SEMA5A: variants seen among roughly 807,000 people sequenced by gnomAD.
SEMA5A encodes semaphorin-5A.
A neutral mutation model predicts 135.5 loss-of-function variants in SEMA5A; 55 were observed. That is an observed-to-expected ratio of 0.41 (90% CI 0.33 to 0.51). The LOEUF is 0.51. Among genes scored for constraint, SEMA5A ranks in the 20% least tolerant of loss-of-function variants. SEMA5A has a pLI of 0.37. For synonymous variants in SEMA5A, 580 were observed against 546.5 expected, an observed-to-expected ratio of 1.06 and a Z score of -0.85; for missense variants, 1,290 against 1,419.9, an observed-to-expected ratio of 0.91 and a Z score of 1.47.
rs374180970 is a variant in SEMA5A, at chr5:9,134,592, G to A, written c.1599+1912C>T. Among the ~76,000 whole-genome samples, 128 of 152,312 alleles carry A rather than the reference G, an allele frequency of 8.4e-4. 2 individuals are homozygous for A. In the South Asian group the frequency reaches 0.023, roughly 27 times the overall value. On this transcript the variant is annotated intron_variant, in intron 13 of 22. Transcript: ENST00000382496. ...AGCCCTTCTAGGTTGAGGGTCCCAC[G>A]GGGACAAGCTGCCTGCTGGGAAGCT...
intron 3 of SEMA5A, among the ~76,000 whole-genome samples, chr5:9,341,182 A>G (rs548465039): frequency 6.6e-6 from 1 of 151,072 alleles, no homozygotes; most frequent in African/African-American, 2.4e-5. Context: ...AAAATCACAC[A>G]CATACAAACA....
At chr5:9,322,870 T>C (rs1752691634) in intron 4 of SEMA5A, among the ~76,000 whole-genome samples, 1 of 152,202 alleles carries the variant, frequency 6.6e-6, no homozygotes, top group South Asian at 2.1e-4. Context: ...ACAGCTCTTA[T>C]GCTACTACCA....
chr5:9,278,393 C>T (rs552915541), intron 5 of SEMA5A, among the ~76,000 whole-genome samples: 18 of 152,258 alleles, frequency 1.2e-4, no homozygotes, highest in African/African-American at 4.3e-4. Context: ...GAAATTGGAA[C>T]TTAAAAGGAA....
Position 9,109,447 on chromosome 5 carries a change from G to A in SEMA5A, c.1926-1160C>T, listed in dbSNP as rs539731297. On this transcript the variant is annotated intron_variant, in intron 15 of 22. Transcript: ENST00000382496. ...GGCATTCTACAGGTTACAGCTCATAGAAAGGAAGAGGTTAGTCTGAACAGC... is the reference window on the plus strand; with the variant it reads ...GGCATTCTACAGGTTACAGCTCATAAAAAGGAAGAGGTTAGTCTGAACAGC... Among the ~76,000 whole-genome samples the A allele has an allele frequency of 3.6e-4, 55 of 152,328 alleles. 1 individual carries two copies. The highest frequency in any genetic ancestry group is 1.1e-3 in the African/African-American group (44 of 41,586).
chr5:9,211,963 T>C (rs1364867456), intron 8 of SEMA5A, among the ~76,000 whole-genome samples: 1 of 152,218 alleles, frequency 6.6e-6, no homozygotes, highest in African/African-American at 2.4e-5. Flanking sequence ...TGCAGGACAC[T>C]GTGGAGTTCC....
intron 1 of SEMA5A, among the ~76,000 whole-genome samples, chr5:9,455,536 A>G (rs1052138330): frequency 3.3e-5 from 5 of 152,252 alleles, no homozygotes; most frequent in East Asian, 1.9e-4. Context: ...GATTACAGGC[A>G]TGAGCCACCG....
intron 12 of SEMA5A, among the ~76,000 whole-genome samples, chr5:9,154,064 T>A (rs7724881): frequency 0.054 from 2,587 of 48,236 alleles, 56 homozygotes; most frequent in Non-Finnish European, 0.082. Context: ...AAAAAAAAAA[T>A]ATATATATAT....
intron 1 of SEMA5A, among the ~76,000 whole-genome samples, chr5:9,453,766 A>G (rs930417349): frequency 3.3e-5 from 5 of 152,182 alleles, no homozygotes; most frequent in South Asian, 2.1e-4. Context: ...GACTTCATAG[A>G]GCATAATTAC....
At chr5:9,421,032 A>G (rs1441469518) in intron 2 of SEMA5A, among the ~76,000 whole-genome samples, 1 of 152,108 alleles carries the variant, frequency 6.6e-6, no homozygotes, top group Non-Finnish European at 1.5e-5. Context: ...AACAAACAAA[A>G]AAGAATTCAT....
chr5:9,104,255 G>A (rs1230177917), intron 16 of SEMA5A, among the ~76,000 whole-genome samples: 1 of 152,128 alleles, frequency 6.6e-6, no homozygotes, highest in Non-Finnish European at 1.5e-5. Context: ...CAGGGATACA[G>A]AGAGAATAAA....
At chr5:9,446,841 G>C (rs1456844390) in intron 1 of SEMA5A, among the ~76,000 whole-genome samples, 1 of 152,096 alleles carries the variant, frequency 6.6e-6, no homozygotes, top group Non-Finnish European at 1.5e-5. Context: ...AACTATCTCT[G>C]TTAAAACATA....
chr5:9,305,730 A>ACACT (rs201581840), intron 5 of SEMA5A, among the ~76,000 whole-genome samples: 2,292 of 80,380 alleles, frequency 0.029, 102 homozygotes, highest in African/African-American at 0.1. Flanking sequence ...ATATATATTT[A>ACACT]CACGCACACA....
intron 1 of SEMA5A, among the ~76,000 whole-genome samples, chr5:9,462,785 T>C (rs66526444): frequency 0.13 from 20,197 of 151,832 alleles, 1,461 homozygotes; most frequent in Non-Finnish European, 0.16. Context: ...TGAGAACACA[T>C]GGACACAAAG....
At chr5:9,155,349 T>A (rs1345658635) in intron 11 of SEMA5A, among the ~76,000 whole-genome samples, 1 of 151,766 alleles carries the variant, frequency 6.6e-6, no homozygotes, top group Non-Finnish European at 1.5e-5. Context: ...CCAGGCTTCT[T>A]GCTCCCTGGG....
rs1249404085 is a variant in SEMA5A at position 9,044,555 on chromosome 5, C to T, written c.2923G>A (p.Gly975Arg). The change falls in exon 22 of 23, where the codon GGG becomes AGG. Residue 975 changes from glycine (G) to arginine (R), a missense_variant. Gly to Arg is a moderately radical substitution (Grantham distance 125). Transcript: ENST00000382496. ...CAGCCGAGGATGGAGCTGCTCAGCC[C>T]CACGGCGATCATGTGGAACATGTTG... ...EFNMFHMIAVGLSSSILGCLL... is the reference protein window; with the variant it reads ...EFNMFHMIAVRLSSSILGCLL... The T allele has an allele frequency of 1.9e-6, 3 of 1,613,934 alleles. No homozygotes were observed.
intron 5 of SEMA5A, among the ~76,000 whole-genome samples, chr5:9,243,973 T>C (rs912280028): frequency 1.3e-5 from 2 of 152,178 alleles, no homozygotes; most frequent in Non-Finnish European, 2.9e-5. Context: ...ATTCAGTAAA[T>C]ATTAATCAAA....
At chr5:9,496,738 T>C (rs566624821) in intron 1 of SEMA5A, among the ~76,000 whole-genome samples, 2 of 152,326 alleles carry the variant, frequency 1.3e-5, no homozygotes, top group African/African-American at 4.8e-5. Context: ...ATGACCATCC[T>C]GGAGTATTCA....
Position 9,039,204 on chromosome 5 carries a change from A to G in SEMA5A, c.*3693T>C, listed in dbSNP as rs1004157409. ...TGGGCAGTTGATCCTGGCAGAGTCC[A>G]AGGGTCAGACCCATGGACCTGTGAA... On this transcript the variant is annotated 3_prime_UTR_variant, in exon 23 of 23. Transcript: ENST00000382496. 2.7e-4 allele frequency: 41 copies of G among 152,286 alleles called. No individual in the cohort carries two copies. The allele number at this position is 152,286 out of a possible 1,614,324, so 9.4% of individuals were successfully genotyped here.
chr5:9,313,740 G>T (rs1328790198), intron 5 of SEMA5A, among the ~76,000 whole-genome samples: 2 of 152,170 alleles, frequency 1.3e-5, no homozygotes, highest in Admixed American at 1.3e-4. Context: ...AAGAGGTGTT[G>T]TCTCCAGTGA....
Sources: gnomAD v4.1 joint callset for allele counts (sites outside exome capture counted in the v4.1 genomes callset) on GRCh38, gnomAD v4.1.1 for gene constraint, MANE v1.5 for transcripts, NCBI Gene and HGNC (gene_info 2026-07-23, HGNC 2026-07-21) for gene names.